The following ZNF350 variants were observed in gnomAD, a reference collection of about 807,000 sequenced individuals.
The protein encoded by ZNF350 is KRAB zinc finger protein ZFQR.
ZNF350 carries 5 observed loss-of-function variants against 13.1 expected under a neutral mutation model. That is an observed-to-expected ratio of 0.38 (90% CI 0.20 to 0.80). The LOEUF (loss-of-function observed/expected upper bound fraction) is 0.80, where lower values mean the gene tolerates loss of function less well. ZNF350 is among the 30% of genes least tolerant of loss of function. The probability of loss-of-function intolerance (pLI) is 0.43; values close to 1 mark genes in which losing one functional copy is unlikely to be tolerated. For missense variants in ZNF350, 534 were observed against 644.2 expected (o/e 0.83, Z 1.85); for synonymous variants, 199 against 224.2 (o/e 0.89, Z 1.00).
chr19:51,971,668 C>T (rs72483948), intron 2 of ZNF350, among the ~76,000 whole-genome samples: 1 of 152,006 alleles, frequency 6.6e-6, no homozygotes, highest in South Asian at 2.1e-4. Flanking sequence ...CACTGCACCC[C>T]CCCAACTATC....
chr19:51,966,740 T>C (rs1258604367), intron 4 of ZNF350, among the ~76,000 whole-genome samples: 1 of 151,458 alleles, frequency 6.6e-6, no homozygotes, highest in Admixed American at 6.6e-5. Flanking sequence ...CTCCACCTCC[T>C]GAGTTCAAGC....
chr19:51,968,419 T>TA, intron 4 of ZNF350, 159 bp downstream of exon 4: 6 of 651,390 alleles, frequency 9.2e-6, no homozygotes, highest in East Asian at 2.7e-5. Flanking sequence ...TGTTTTTTTT[T>TA]AACTCTAAAT....
intron 2 of ZNF350, among the ~76,000 whole-genome samples, chr19:51,972,567 G>A (rs577226774): frequency 9.9e-5 from 15 of 151,754 alleles, no homozygotes; most frequent in African/African-American, 2.2e-4. Context: ...TAGCATCTTC[G>A]GCCAATGAAG....
intron 1 of ZNF350, 184 bp downstream of exon 1, chr19:51,986,586 A>C (rs577146949): frequency 1.1e-4 from 17 of 152,860 alleles, no homozygotes; most frequent in African/African-American, 3.9e-4. Flanking sequence ...CGCGGACCAC[A>C]GACAGGGGGA....
chr19:51,985,964 G>A (rs2086150463), intron 1 of ZNF350, among the ~76,000 whole-genome samples: 1 of 152,096 alleles, frequency 6.6e-6, no homozygotes, highest in Non-Finnish European at 1.5e-5. Flanking sequence ...CCGAGATCGC[G>A]CCATTGCACT....
At chr19:51,967,949 G>A (rs1447689246) in intron 4 of ZNF350, among the ~76,000 whole-genome samples, 1 of 152,204 alleles carries the variant, frequency 6.6e-6, no homozygotes. Flanking sequence ...GATAACAACA[G>A]GGAGATGTCA....
rs1267481944 is a variant in ZNF350, at chr19:51,969,145, C to G, written c.16-14G>C. Reference sequence around the variant, plus strand: ...TGTTATGGATTCCTGTAATAACAGTCCTGTTTAATAAAGTGATGTCTTTTT... The same window carrying G: ...TGTTATGGATTCCTGTAATAACAGTGCTGTTTAATAAAGTGATGTCTTTTT... On this transcript the variant is annotated splice_polypyrimidine_tract_variant and intron_variant, in intron 2 of 4. Coordinates refer to ENST00000243644, the MANE Select transcript of ZNF350 (RefSeq NM_021632.4). 1.9e-6 allele frequency: 3 copies of G among 1,609,774 alleles called. No individual in the cohort carries two copies. In the Admixed American group the frequency reaches 5.0e-5, roughly 27 times the overall value.
In ZNF350 at chr19:51,976,097, CGCCGTT is replaced by C. The variant is rs1568484389; in HGVS notation, c.-171-1572_-171-1567del. Among the ~76,000 whole-genome samples the C allele has an allele frequency of 2.7e-5, 4 of 147,478 alleles. No homozygotes were observed. Among genetic ancestry groups the C allele is most frequent in the Admixed American group, 6.8e-5 (1 of 14,774 alleles). Reference sequence around the variant, plus strand: ...TTGCAAGACTACTCTGGACCCCTGGCGCCGTTATCTACTGCGACATCTAGAGAATGC... The same window carrying C: ...TTGCAAGACTACTCTGGACCCCTGGCATCTACTGCGACATCTAGAGAATGC... On this transcript the variant is annotated intron_variant, in intron 1 of 4. Transcript: ENST00000243644. The surrounding 1 kb of genome is among the most constrained non-coding windows in gnomAD (Gnocchi z 4.5).
At chr19:51,980,062 T>C in intron 1 of ZNF350, among the ~76,000 whole-genome samples, 1 of 152,258 alleles carries the variant, frequency 6.6e-6, no homozygotes, top group East Asian at 1.9e-4. Flanking sequence ...TAATGTTGCA[T>C]TTGTAAAGAA....
chr19:51,985,689 C>T (rs2086145585), intron 1 of ZNF350, among the ~76,000 whole-genome samples: 1 of 152,090 alleles, frequency 6.6e-6, no homozygotes, highest in African/African-American at 2.4e-5. Flanking sequence ...GAATATAAGG[C>T]GGGCAAGCAA....
intron 1 of ZNF350, among the ~76,000 whole-genome samples, chr19:51,978,212 C>T (rs1431427471): frequency 6.6e-6 from 1 of 152,144 alleles, no homozygotes; most frequent in Non-Finnish European, 1.5e-5. Context: ...TTCCTGGAGG[C>T]ACATTGATTC....
rs1490292782 is a variant in ZNF350, at chr19:51,980,448, T to G, written c.-171-5917A>C. On this transcript the variant is annotated intron_variant, in intron 1 of 4. Coordinates refer to ENST00000243644, the MANE Select transcript of ZNF350 (RefSeq NM_021632.4). ...CTTCTGTAACTCTGCATAATTCTATTCAAACATCTCAGTAGGTGGAGAACT... is the reference window on the plus strand; with the variant it reads ...CTTCTGTAACTCTGCATAATTCTATGCAAACATCTCAGTAGGTGGAGAACT... Among the ~76,000 whole-genome samples the G allele has an allele frequency of 2.0e-5, 3 of 152,192 alleles. No individual in the cohort carries two copies. In the East Asian group the frequency reaches 5.8e-4, roughly 29 times the overall value.
At chr19:51,982,003 T>C (rs2086057275) in intron 1 of ZNF350, 1 of 151,972 alleles carries the variant, frequency 6.6e-6, no homozygotes, top group East Asian at 1.9e-4. Context: ...CATTAAAATG[T>C]GACAGCAGTC....
chr19:51,977,241 G>A (rs1303652960), intron 1 of ZNF350, among the ~76,000 whole-genome samples: 1 of 152,174 alleles, frequency 6.6e-6, no homozygotes, highest in African/African-American at 2.4e-5. Context: ...TAGAGTTTAA[G>A]TTGTTGAAGG....
chr19:51,985,326 G>T (rs957824850), intron 1 of ZNF350, among the ~76,000 whole-genome samples: 1 of 152,070 alleles, frequency 6.6e-6, no homozygotes, highest in Admixed American at 6.6e-5. Context: ...CTGGAAAGTT[G>T]AGCCAATGCA....
At chr19:51,970,088 T>G (rs1434821778) in intron 2 of ZNF350, among the ~76,000 whole-genome samples, 1 of 125,248 alleles carries the variant, frequency 8.0e-6, no homozygotes, top group Non-Finnish European at 1.6e-5. Context: ...TGAGACGGAG[T>G]TTTGCTCCTC....
rs376707070 is a variant in ZNF350 at position 51,965,812 on chromosome 19, G to T, written c.641C>A (p.Ala214Asp). The change falls in exon 5 of 5, where the codon GCC becomes GAC. Residue 214 changes from alanine (A) to aspartate (D), a missense_variant. Coordinates refer to ENST00000243644, the MANE Select transcript of ZNF350 (RefSeq NM_021632.4). Reference sequence around the variant, plus strand: ...AGTTAGCCAAGACTTCTTGATGAAGGCTTTCCCACATTCACTGCACACATG... The same window carrying T: ...AGTTAGCCAAGACTTCTTGATGAAGTCTTTCCCACATTCACTGCACACATG... ...KHHVCSECGKAFIKKSWLTDH... is the reference protein window; with the variant it reads ...KHHVCSECGKDFIKKSWLTDH... 6 of 1,613,966 alleles carry T rather than the reference G, an allele frequency of 3.7e-6. No homozygotes were observed. The African/African-American group carries it at 4.0e-5, about 11-fold the overall frequency.
chr19:51,968,797 T>C (rs2085649892), intron 3 of ZNF350, 124 bp from the exon 4 acceptor site: 1 of 1,401,256 alleles, frequency 7.1e-7, no homozygotes, highest in African/African-American at 1.4e-5. Context: ...GTTTCTTATC[T>C]GAAACTATGA....
chr19:51,978,169 C>CAAT (rs2085946130), intron 1 of ZNF350, among the ~76,000 whole-genome samples: 1 of 152,110 alleles, frequency 6.6e-6, no homozygotes, highest in Non-Finnish European at 1.5e-5. Flanking sequence ...AGGGCATTCC[C>CAAT]AATGCAGACC....
Sources: allele counts gnomAD v4.1 joint callset (sites outside exome capture counted in the v4.1 genomes callset), GRCh38; gene constraint gnomAD v4.1.1; non-coding constraint Gnocchi (gnomAD v3.1); transcripts MANE v1.5; gene names NCBI Gene and HGNC (gene_info 2026-07-23, HGNC 2026-07-21).